INTS6: variants seen among roughly 807,000 people sequenced by gnomAD.
The protein encoded by INTS6 is integrator complex subunit 6, also known as DEAD box protein.
In INTS6, 16 loss-of-function variants were observed where a neutral mutation model predicts 104.9. The observed-to-expected ratio is 0.15, with a 90% confidence interval of 0.10 to 0.23. The LOEUF (loss-of-function observed/expected upper bound fraction) is 0.23, where lower values mean the gene tolerates loss of function less well. Among genes scored for constraint, INTS6 ranks in the 10% least tolerant of loss-of-function variants. INTS6 has a pLI of 1.00. For synonymous variants in INTS6, 324 were observed against 358.7 expected, an observed-to-expected ratio of 0.90 and a Z score of 1.09; for missense variants, 584 against 1,062.8, an observed-to-expected ratio of 0.55 and a Z score of 6.26.
downstream of INTS6, among the ~76,000 whole-genome samples, chr13:51,358,952 A>G (rs986073740): frequency 9.9e-5 from 15 of 152,092 alleles, no homozygotes; most frequent in Admixed American, 6.6e-5. Context: ...AACGCTATGT[A>G]TTATAATTGT....
At chr13:51,374,939 A>T in intron 13 of INTS6, 143 bp from the exon 14 acceptor site, 1 of 760,572 alleles carries the variant, frequency 1.3e-6, no homozygotes, top group Non-Finnish European at 2.0e-6. Flanking sequence ...TGCAATTATA[A>T]CCACTGCGAC....
At chr13:51,366,311 G>A (rs1955687389) in intron 17 of INTS6, among the ~76,000 whole-genome samples, 1 of 151,888 alleles carries the variant, frequency 6.6e-6, no homozygotes, top group African/African-American at 2.4e-5. Context: ...AAATTGGTCA[G>A]CAGCATTTAA....
At chr13:51,436,521 G>T (rs920392840) in intron 3 of INTS6, 2 of 152,098 alleles carry the variant, frequency 1.3e-5, no homozygotes, top group African/African-American at 4.8e-5. Flanking sequence ...GCAAAAGTAG[G>T]GGGGAGTTCC....
At chr13:51,407,890 G>A (rs935797377) in intron 4 of INTS6, among the ~76,000 whole-genome samples, 2 of 151,456 alleles carry the variant, frequency 1.3e-5, no homozygotes, top group African/African-American at 2.4e-5. Flanking sequence ...GGTGGCACAC[G>A]CCTGTAATCC....
intron 4 of INTS6, among the ~76,000 whole-genome samples, chr13:51,412,198 T>C (rs960478128): frequency 1.3e-5 from 2 of 152,206 alleles, no homozygotes; most frequent in African/African-American, 2.4e-5. Context: ...TGGAGTAACA[T>C]ATATTTTATA....
chr13:51,348,213 G>A, the INTS6 span: 5 of 1,581,498 alleles, frequency 3.2e-6, no homozygotes, highest in South Asian at 4.6e-5. Context: ...GTACCCTCAG[G>A]TCAGTTCCAG....
At chr13:51,351,411 A>G (rs1313558467), downstream of INTS6, among the ~76,000 whole-genome samples, 1 of 152,140 alleles carries the variant, frequency 6.6e-6, no homozygotes, top group East Asian at 1.9e-4. Flanking sequence ...GAGGTAGAGC[A>G]TCTTTTCATG....
Position 51,422,213 on chromosome 13 carries a change from A to AT in INTS6, c.429+8080dup, listed in dbSNP as rs202219053. 5.0e-3 allele frequency among the ~76,000 whole-genome samples: 754 copies of AT among 152,202 alleles called. 6 individuals carry two copies. The highest frequency in any genetic ancestry group is 0.017 in the African/African-American group (721 of 41,524). On this transcript the variant is annotated intron_variant, in intron 4 of 17. Coordinates refer to ENST00000311234, the MANE Select transcript of INTS6 (RefSeq NM_012141.3). ...ACTTTACCTTCCTTTCTCCTCCTTT[A>AT]TTTTTTATCACCCACATCTCAGTTA...
intron 4 of INTS6, among the ~76,000 whole-genome samples, chr13:51,429,788 AT>A (rs1566243925): frequency 0.015 from 1,394 of 91,704 alleles, 61 homozygotes; most frequent in African/African-American, 0.038. Context: ...AAAAAAAAAT[AT>A]ATATATATAT....
chr13:51,437,674 C>T (rs1952716436), intron 3 of INTS6: 1 of 152,136 alleles, frequency 6.6e-6, no homozygotes, highest in Non-Finnish European at 1.5e-5. Context: ...TATTGTTTCC[C>T]ATATGCTATG....
chr13:51,442,261 T>C (rs1952812469), intron 3 of INTS6: 2 of 151,910 alleles, frequency 1.3e-5, no homozygotes, highest in African/African-American at 2.4e-5. Context: ...TGCCTCAGCT[T>C]CCTGAGGGTG....
intron 4 of INTS6, among the ~76,000 whole-genome samples, chr13:51,418,753 A>C (rs976025041): frequency 5.9e-5 from 9 of 152,214 alleles, no homozygotes; most frequent in African/African-American, 2.2e-4. Context: ...AACCTGCAAT[A>C]CTGAAATACT....
chr13:51,388,020 A>C (rs761077260), intron 6 of INTS6, among the ~76,000 whole-genome samples: 9 of 152,248 alleles, frequency 5.9e-5, no homozygotes, highest in Non-Finnish European at 1.0e-4. Context: ...AAAAGAACTT[A>C]ATAAGCAAAT....
At chr13:51,371,095 C>T (rs1220783077) in intron 15 of INTS6, among the ~76,000 whole-genome samples, 1 of 152,186 alleles carries the variant, frequency 6.6e-6, no homozygotes, top group Non-Finnish European at 1.5e-5. Context: ...CAACAGAGAG[C>T]TTGCTAGAAA....
At chr13:51,347,700 T>TG in the INTS6 span, among the ~76,000 whole-genome samples, 6 of 152,208 alleles carry the variant, frequency 3.9e-5, no homozygotes, top group African/African-American at 1.4e-4. Flanking sequence ...CACGCCCTTC[T>TG]GAATAGTGTG....
At chr13:51,433,348 C>T (rs543937054) in intron 3 of INTS6, among the ~76,000 whole-genome samples, 3 of 152,210 alleles carry the variant, frequency 2.0e-5, no homozygotes, top group African/African-American at 7.2e-5. Flanking sequence ...CTCGGGAGGC[C>T]GAAGCAGGAG....
the INTS6 span, chr13:51,340,866 G>A: frequency 1.7e-6 from 1 of 587,570 alleles, no homozygotes; most frequent in South Asian, 2.1e-5. Flanking sequence ...ACCACAGTGA[G>A]TATTTCTAAT....
intron 7 of INTS6, chr13:51,384,565 T>C (rs1312236788): frequency 2.2e-6 from 1 of 453,918 alleles, no homozygotes; most frequent in Non-Finnish European, 4.4e-6. Context: ...CCACTAGACA[T>C]AACCTGAATC....
At chr13:51,410,842 C>G (rs1195552123) in intron 4 of INTS6, among the ~76,000 whole-genome samples, 3 of 152,042 alleles carry the variant, frequency 2.0e-5, no homozygotes, top group Non-Finnish European at 2.9e-5. Flanking sequence ...AACTCATTAG[C>G]AAGAAGACAG....
Sources: allele counts gnomAD v4.1 joint callset (sites outside exome capture counted in the v4.1 genomes callset), GRCh38; gene constraint gnomAD v4.1.1; transcripts MANE v1.5; gene names NCBI Gene and HGNC (gene_info 2026-07-23, HGNC 2026-07-21).